The following DCTD variants were observed in gnomAD, a reference collection of about 807,000 sequenced individuals.
DCTD encodes dCMP deaminase, also known as deoxycytidylate deaminase.
A neutral mutation model predicts 21.0 loss-of-function variants in DCTD; 23 were observed. The ratio of observed to expected loss-of-function variants is 1.09; its 90% CI spans 0.79 to 1.55. The LOEUF (loss-of-function observed/expected upper bound fraction) is 1.55, where lower values mean the gene tolerates loss of function less well. DCTD is among the 40% of genes most tolerant of loss of function. The probability of loss-of-function intolerance (pLI) is 0.00; values close to 1 mark genes in which losing one functional copy is unlikely to be tolerated. For synonymous variants in DCTD, 71 were observed against 81.1 expected (o/e 0.88, Z 0.67); for missense variants, 224 against 230.0 (o/e 0.97, Z 0.17).
upstream of DCTD, chr4:182,917,479 A>AGGGG (rs1299704973): frequency 1.0e-5 from 1 of 97,342 alleles, no homozygotes; most frequent in Non-Finnish European, 2.2e-5. This position sits in a 1 kb window ranked among gnomAD's most constrained non-coding sequence, Gnocchi z 4.9. Flanking sequence ...CGAAGCCCTG[A>AGGGG]GGGGAGGGAG....
At chr4:182,900,509 T>C (rs13114435) in intron 3 of DCTD, among the ~76,000 whole-genome samples, 34,781 of 151,834 alleles carry the variant, frequency 0.23, 4,434 homozygotes, top group Non-Finnish European at 0.3. Flanking sequence ...CAAGAAGTAA[T>C]TGTTAGTTTT....
intron 3 of DCTD, among the ~76,000 whole-genome samples, chr4:182,900,768 G>C (rs1046480357): frequency 6.6e-6 from 1 of 152,014 alleles, no homozygotes; most frequent in African/African-American, 2.4e-5. Context: ...AGAATCAAAT[G>C]CTGAAAATAT....
At chr4:182,905,398 G>A (rs553513724) in intron 3 of DCTD, among the ~76,000 whole-genome samples, 21 of 149,108 alleles carry the variant, frequency 1.4e-4, no homozygotes, top group African/African-American at 5.0e-4. Context: ...GCGCGATCTC[G>A]GCTCACTGCA....
chr4:182,915,529 C>G lies in DCTD; in HGVS notation c.40G>C (p.Glu14Gln). 2 of 1,613,894 alleles carry G rather than the reference C, an allele frequency of 1.2e-6. No individual in the cohort carries two copies. The highest frequency in any genetic ancestry group is 1.7e-6 in the Non-Finnish European group (2 of 1,179,782). Residue 14 changes from glutamate (E) to glutamine (Q), a missense_variant, in exon 2 of 6, where the codon GAA becomes CAA. Transcript: ENST00000438320. ...ACAGCCATAAAATACTCTGGCCATT[C>G]CAAATAGTCGTCCCGTTTCTTGCAG... is the stretch of plus-strand genomic sequence containing the variant. ...VSCKKRDDYL[E>Q]WPEYFMAVAF...
rs78405737 is a variant in DCTD at position 182,900,998 on chromosome 4, T to C, written c.245-6393A>G. Among the ~76,000 whole-genome samples the C allele has an allele frequency of 5.5e-3, 844 of 152,318 alleles. 9 individuals are homozygous for C. The highest frequency in any genetic ancestry group is 0.019 in the African/African-American group (807 of 41,574). On this transcript the variant is annotated intron_variant, in intron 3 of 5. Coordinates refer to ENST00000438320, the MANE Select transcript of DCTD (RefSeq NM_001921.3). Reference sequence around the variant, plus strand: ...AGTAGGGCTTGATTAATCCTTACTGTCTCATGTAGGCGGTTCTCTAGAAGT... The same window carrying C: ...AGTAGGGCTTGATTAATCCTTACTGCCTCATGTAGGCGGTTCTCTAGAAGT...
Position 182,915,342 on chromosome 4 carries a change from G to A in DCTD, c.108+119C>T, listed in dbSNP as rs1738532076. On this transcript the variant is annotated intron_variant, in intron 2 of 5. Transcript: ENST00000438320. ...AAGCTTGTAGAAACGCAGCACAAAAGGCAGACCGACCCTGCACTTTTAAGT... is the reference window on the plus strand; with the variant it reads ...AAGCTTGTAGAAACGCAGCACAAAAAGCAGACCGACCCTGCACTTTTAAGT... 6 of 779,104 alleles carry A rather than the reference G, an allele frequency of 7.7e-6. No homozygotes were observed. In the South Asian group the frequency reaches 9.6e-5, roughly 12 times the overall value. The allele number at this position is 779,104 out of a possible 1,614,324, so 48.3% of individuals were successfully genotyped here. A position where few individuals can be genotyped will look rare whatever the true frequency, so the allele number is the denominator to read the frequency against.
At position 182,893,003 on chromosome 4, in the gene DCTD, TCCCCCCGC is replaced by T; in HGVS notation, c.458+20_458+27del. On this transcript the variant is annotated intron_variant, in intron 5 of 5. Transcript: ENST00000438320. ...CTTCATCAGCCTTCACCCTACCCCG[TCCCCCCGC>T]CCGCATTCTCCCCACTTACCGGAAT... 2.8e-6 allele frequency: 4 copies of T among 1,418,108 alleles called. No homozygotes were observed. The highest frequency in any genetic ancestry group is 4.0e-6 in the Non-Finnish European group (4 of 1,005,286). The allele number at this position is 1,418,108 out of a possible 1,614,324, so 87.8% of individuals were successfully genotyped here.
intron 3 of DCTD, among the ~76,000 whole-genome samples, chr4:182,905,415 G>A (rs1010339846): frequency 4.9e-5 from 7 of 142,214 alleles, no homozygotes; most frequent in African/African-American, 1.6e-4. Flanking sequence ...TGCAACCTCC[G>A]CCTCCCAGTT....
chr4:182,897,507 C>CAT lies in DCTD; in HGVS notation c.245-2904_245-2903dup, dbSNP rs10547938. On this transcript the variant is annotated intron_variant, in intron 3 of 5. Coordinates refer to ENST00000438320, the MANE Select transcript of DCTD (RefSeq NM_001921.3). The stretch of plus-strand genomic sequence containing the variant: ...ATTCATTTGATAAATATTTAGCACC[C>CAT]ATATATATATATATATATTTACATA... 5.2e-3 allele frequency among the ~76,000 whole-genome samples: 771 copies of CAT among 146,926 alleles called. 6 individuals are homozygous for CAT. Among genetic ancestry groups the CAT allele is most frequent in the Middle Eastern group, 0.018 (5 of 276 alleles).
At chr4:182,900,412 G>T (rs2086867536) in intron 3 of DCTD, among the ~76,000 whole-genome samples, 1 of 152,106 alleles carries the variant, frequency 6.6e-6, no homozygotes, top group African/African-American at 2.4e-5. Context: ...ATAAATGAAG[G>T]AATAAATTTA....
chr4:182,896,886 C>T (rs1045801005), intron 3 of DCTD, among the ~76,000 whole-genome samples: 1 of 152,126 alleles, frequency 6.6e-6, no homozygotes, highest in African/African-American at 2.4e-5. Context: ...ATGCAGATTC[C>T]AATTATTGAT....
At chr4:182,903,288 C>T (rs1052100569) in intron 3 of DCTD, among the ~76,000 whole-genome samples, 8 of 152,196 alleles carry the variant, frequency 5.3e-5, no homozygotes, top group African/African-American at 1.2e-4. Flanking sequence ...TCCCCGATCA[C>T]GCTGCACCCG....
Position 182,914,928 on chromosome 4 carries a change from G to C in DCTD, c.239C>G (p.Pro80Arg). ...TAENKLDTKYPYVCHAELNAI... is the reference protein window; with the variant it reads ...TAENKLDTKYRYVCHAELNAI... Reference sequence around the variant, plus strand: ...GGACATAAAACTTGCCCTACCGTACGGGTATTTGGTGTCCAGCTTATTCTC... The same window carrying C: ...GGACATAAAACTTGCCCTACCGTACCGGTATTTGGTGTCCAGCTTATTCTC... The change falls in exon 3 of 6, where the codon CCG becomes CGG. Residue 80 changes from proline (P) to arginine (R), a missense_variant. Transcript: ENST00000438320. 4 of 1,614,162 alleles carry C rather than the reference G, an allele frequency of 2.5e-6. No individual in the cohort carries two copies. The highest frequency in any genetic ancestry group is 3.4e-6 in the Non-Finnish European group (4 of 1,180,034).
At chr4:182,910,017 T>C (rs1389978126) in intron 3 of DCTD, among the ~76,000 whole-genome samples, 2 of 152,132 alleles carry the variant, frequency 1.3e-5, no homozygotes, top group Non-Finnish European at 2.9e-5. Context: ...AGTATCCCTG[T>C]AGACATAGGA....
At chr4:182,896,649 G>A (rs1183094737) in intron 3 of DCTD, among the ~76,000 whole-genome samples, 2 of 152,308 alleles carry the variant, frequency 1.3e-5, no homozygotes, top group African/African-American at 4.8e-5. Flanking sequence ...CCACATGTGC[G>A]CTGGCCTTGG....
intron 3 of DCTD, among the ~76,000 whole-genome samples, chr4:182,898,125 G>C (rs993449269): frequency 6.6e-6 from 1 of 152,152 alleles, no homozygotes; most frequent in African/African-American, 2.4e-5. Flanking sequence ...TACTTGTGTC[G>C]ACTGGCCATC....
intron 3 of DCTD, 88 bp downstream of exon 3, chr4:182,914,835 G>T: frequency 6.9e-7 from 1 of 1,447,126 alleles, no homozygotes; most frequent in Non-Finnish European, 9.6e-7. Context: ...GATGACAAAA[G>T]GGAGATGATG....
At chr4:182,894,429 T>C (rs1035901247) in intron 4 of DCTD, 60 bp downstream of exon 4, 3 of 951,324 alleles carry the variant, frequency 3.2e-6, no homozygotes, top group Admixed American at 1.7e-5. Context: ...ACATCAGCAA[T>C]GAGCTACTGA....
chr4:182,906,392 CAG>C (rs1736723910), intron 3 of DCTD, among the ~76,000 whole-genome samples: 1 of 152,192 alleles, frequency 6.6e-6, no homozygotes, highest in African/African-American at 2.4e-5. Flanking sequence ...TCTTCAAAAA[CAG>C]AGACCCTCCC....
Sources: gnomAD v4.1 joint callset for allele counts (sites outside exome capture counted in the v4.1 genomes callset) on GRCh38, gnomAD v4.1.1 for gene constraint, Gnocchi (gnomAD v3.1) non-coding constraint, MANE v1.5 for transcripts, NCBI Gene and HGNC (gene_info 2026-07-23, HGNC 2026-07-21) for gene names.